Variants in TRIM55 observed in about 807,000 individuals in gnomAD.
TRIM55 encodes the protein tripartite motif containing 55, also known as tripartite motif-containing protein 55.
TRIM55 carries 50 observed loss-of-function variants against 60.9 expected under a neutral mutation model. That is an observed-to-expected ratio of 0.82 (90% CI 0.65 to 1.04). The LOEUF (loss-of-function observed/expected upper bound fraction) is 1.04. Ranked by LOEUF, TRIM55 falls within the 50% of genes least tolerant of loss-of-function variation. The pLI, the probability that TRIM55 is intolerant of heterozygous loss-of-function variation, is 0.00. For missense variants in TRIM55, 681 were observed against 666.9 expected (o/e 1.02, Z -0.23); for synonymous variants, 237 against 238.1 (o/e 1.00, Z 0.04).
At chr8:66,131,721 C>A (rs1809169926) in intron 2 of TRIM55, among the ~76,000 whole-genome samples, 1 of 152,220 alleles carries the variant, frequency 6.6e-6, no homozygotes, top group Non-Finnish European at 1.5e-5. Flanking sequence ...CTGGCTCCTG[C>A]AGTTCCAGAG....
At position 66,150,366 on chromosome 8, in the gene TRIM55, T is replaced by A. The variant is rs1203296724; in HGVS notation, c.885T>A (p.Phe295Leu). 2 of 1,614,080 alleles carry A rather than the reference T, an allele frequency of 1.2e-6. No homozygotes were observed. Among genetic ancestry groups the A allele is most frequent in the East Asian group, 4.5e-5 (2 of 44,892 alleles). The stretch of plus-strand genomic sequence containing the variant: ...GAATCTCGGAAGCATCAAAGGCATT[T>A]CAGATGGAGAAAATAGAACATGGCT... ...LKKISEASKA[F>L]QMEKIEHGYE... The change falls in exon 7 of 10, where the codon TTT becomes TTA. Residue 295 changes from phenylalanine to leucine, a missense_variant. By Grantham distance (22) the Phe-to-Leu change is conservative. Coordinates refer to ENST00000315962, the MANE Select transcript of TRIM55 (RefSeq NM_184085.2).
intron 4 of TRIM55, among the ~76,000 whole-genome samples, chr8:66,140,194 A>G (rs987194678): frequency 5.3e-5 from 8 of 152,222 alleles, no homozygotes; most frequent in Non-Finnish European, 1.2e-4. Context: ...CTCAGAACAT[A>G]CTAGTTAAGC....
chr8:66,171,928 C>A (rs1811659681), intron 9 of TRIM55, among the ~76,000 whole-genome samples: 1 of 151,762 alleles, frequency 6.6e-6, no homozygotes, highest in Non-Finnish European at 1.5e-5. Context: ...ATGCCCAATT[C>A]TGGAAAAATG....
Position 66,128,327 on chromosome 8 carries a change from A to G in TRIM55, c.192A>G (p.Thr64=). The change falls in exon 2 of 10, where the codon ACA becomes ACG. Residue 64 remains threonine, a synonymous_variant. Transcript: ENST00000315962. ...IFQASNPYLP[T]RGGTTMASGG... ...AGGCCTCTAACCCGTATTTGCCCAC[A>G]AGAGGAGGTACCACCATGGCATCAG... 3 of 1,611,172 alleles carry G rather than the reference A, an allele frequency of 1.9e-6. No homozygotes were observed. Among genetic ancestry groups the G allele is most frequent in the South Asian group, 2.2e-5 (2 of 90,610 alleles).
intron 9 of TRIM55, among the ~76,000 whole-genome samples, chr8:66,162,128 T>C (rs1734296527): frequency 6.6e-6 from 1 of 152,078 alleles, no homozygotes; most frequent in Non-Finnish European, 1.5e-5. Context: ...AACTTCTCCC[T>C]GTTCAGTATT....
intron 9 of TRIM55, among the ~76,000 whole-genome samples, chr8:66,161,859 T>A (rs539116657): frequency 4.6e-5 from 7 of 151,776 alleles, no homozygotes; most frequent in Admixed American, 3.3e-4. Context: ...CTGATTTGTG[T>A]ATGTTAATTT....
At chr8:66,139,851 G>C (rs1212305070) in intron 4 of TRIM55, among the ~76,000 whole-genome samples, 1 of 152,048 alleles carries the variant, frequency 6.6e-6, no homozygotes, top group Non-Finnish European at 1.5e-5. Context: ...TTATTGTTTA[G>C]GATGTATATT....
chr8:66,140,759 C>T (rs1809761440), intron 4 of TRIM55, among the ~76,000 whole-genome samples: 1 of 152,246 alleles, frequency 6.6e-6, no homozygotes, highest in Non-Finnish European at 1.5e-5. Context: ...GTCAGGGCCA[C>T]AGAGCTCTTG....
intron 9 of TRIM55, among the ~76,000 whole-genome samples, chr8:66,171,970 G>GGGTTC (rs1554534126): frequency 6.6e-6 from 1 of 151,450 alleles, no homozygotes; most frequent in African/African-American, 2.4e-5. Context: ...TTTCTTATTG[G>GGGTTC]GGTGCTATTG....
intron 9 of TRIM55, among the ~76,000 whole-genome samples, chr8:66,154,567 C>T (rs2128982047): frequency 6.6e-6 from 1 of 152,344 alleles, no homozygotes; most frequent in South Asian, 2.1e-4. Context: ...TGACCTCACA[C>T]CTGGCTTCCC....
chr8:66,121,718 A>G, the TRIM55 span, among the ~76,000 whole-genome samples: 1 of 152,174 alleles, frequency 6.6e-6, no homozygotes, highest in Non-Finnish European at 1.5e-5. Flanking sequence ...TCCTTTTCTC[A>G]GTCCATAAAT....
At chr8:66,170,593 T>C (rs1053959244) in intron 9 of TRIM55, among the ~76,000 whole-genome samples, 1 of 152,198 alleles carries the variant, frequency 6.6e-6, no homozygotes, top group African/African-American at 2.4e-5. Flanking sequence ...CAGGTCCTTC[T>C]TTTTTGTTTG....
chr8:66,154,270 C>T lies in TRIM55; in HGVS notation c.1460C>T (p.Ala487Val), dbSNP rs200868115. Residue 487 changes from alanine (A) to valine (V), a missense_variant, in exon 9 of 10, where the codon GCC becomes GTC. Physicochemically the swap from Ala to Val is moderately conservative, Grantham distance 64. Transcript: ENST00000315962. ...SNVRKAEVAA[A>V]AASERAAVSG... ...GTACGGAAGGCAGAAGTGGCAGCAG[C>T]CGCAGCGAGTGAGAGGGCAGCTGTG... 6.2e-7 allele frequency: 1 copy of T among 1,614,084 alleles called. No individual in the cohort carries two copies. The highest frequency in any genetic ancestry group is 8.5e-7 in the Non-Finnish European group (1 of 1,180,026).
At chr8:66,168,780 C>T (rs1331173046) in intron 9 of TRIM55, among the ~76,000 whole-genome samples, 2 of 152,232 alleles carry the variant, frequency 1.3e-5, no homozygotes, top group African/African-American at 2.4e-5. Flanking sequence ...CGTAAATTTC[C>T]TCAAGGCCCC....
chr8:66,142,070 G>A (rs562868345), intron 4 of TRIM55, among the ~76,000 whole-genome samples: 7 of 152,306 alleles, frequency 4.6e-5, no homozygotes, highest in African/African-American at 1.4e-4. Flanking sequence ...CTTCCTCAGC[G>A]TTACAGTGGG....
In TRIM55 at chr8:66,137,131, A is replaced by C. The variant is rs1809524877; in HGVS notation, c.544A>C (p.Ser182Arg). The change falls in exon 4 of 10, where the codon AGC becomes CGC. Residue 182 changes from serine (S) to arginine (R), a missense_variant. By Grantham distance (110) the Ser-to-Arg change is moderately radical. Transcript: ENST00000315962. ...TGATGGCATCGCCATCCTCGTGGGC[A>C]GCAACGATCGAGTCCAGGGAGTGAT... ...LSDGIAILVGSNDRVQGVISQ... is the reference protein window; with the variant it reads ...LSDGIAILVGRNDRVQGVISQ... 1.2e-6 allele frequency: 2 copies of C among 1,614,094 alleles called. No homozygotes were observed. Among genetic ancestry groups the C allele is most frequent in the Non-Finnish European group, 1.7e-6 (2 of 1,180,036 alleles).
chr8:66,154,975 A>G (rs1484141688), intron 9 of TRIM55, among the ~76,000 whole-genome samples: 1 of 152,148 alleles, frequency 6.6e-6, no homozygotes, highest in East Asian at 1.9e-4. Flanking sequence ...TTTGAAGTCC[A>G]TGTCTTCCCC....
intron 9 of TRIM55, chr8:66,155,651 C>G (rs779396038): frequency 6.2e-7 from 1 of 1,612,814 alleles, no homozygotes; most frequent in Non-Finnish European, 8.5e-7. Context: ...GCGCTTTTGG[C>G]TTTTCTTATT....
At chr8:66,120,117 G>A in the TRIM55 span, among the ~76,000 whole-genome samples, 2 of 152,030 alleles carry the variant, frequency 1.3e-5, no homozygotes, top group Non-Finnish European at 2.9e-5. Flanking sequence ...TGACTCAGTG[G>A]AGATAATAAT....
Sources: gnomAD v4.1 joint callset for allele counts (sites outside exome capture counted in the v4.1 genomes callset) on GRCh38, gnomAD v4.1.1 for gene constraint, MANE v1.5 for transcripts, NCBI Gene and HGNC (gene_info 2026-07-23, HGNC 2026-07-21) for gene names.